Variants in DPT observed in about 807,000 individuals in gnomAD.
The protein encoded by DPT is dermatopontin.
Under a neutral mutation model 31.2 loss-of-function variants are expected in DPT, and 21 were observed. The ratio of observed to expected loss-of-function variants is 0.67; its 90% CI spans 0.48 to 0.97. The LOEUF (loss-of-function observed/expected upper bound fraction) is 0.97. Ranked by LOEUF, DPT falls within the 50% of genes least tolerant of loss-of-function variation. DPT has a pLI of 0.00. For synonymous variants in DPT, 91 were observed against 86.9 expected (o/e 1.05, Z -0.26); for missense variants, 262 against 258.8 (o/e 1.01, Z -0.08).
At chr1:168,703,040 A>C (rs1010377297) in intron 2 of DPT, among the ~76,000 whole-genome samples, 2 of 152,236 alleles carry the variant, frequency 1.3e-5, no homozygotes, top group Non-Finnish European at 2.9e-5. Context: ...GAGAACATCA[A>C]TAATGCAAAT....
At chr1:168,723,897 A>C (rs1435264554) in intron 1 of DPT, among the ~76,000 whole-genome samples, 3 of 152,192 alleles carry the variant, frequency 2.0e-5, no homozygotes, top group Non-Finnish European at 4.4e-5. Flanking sequence ...CACAAAATTC[A>C]TGTATACTCT....
intron 1 of DPT, among the ~76,000 whole-genome samples, chr1:168,728,649 G>A (rs1650303344): frequency 6.6e-6 from 1 of 152,142 alleles, no homozygotes; most frequent in Admixed American, 6.5e-5. Context: ...AGCCACAGAG[G>A]AGTCTGTCTC....
At chr1:168,718,984 C>T (rs888427361) in intron 1 of DPT, among the ~76,000 whole-genome samples, 2 of 152,134 alleles carry the variant, frequency 1.3e-5, no homozygotes, top group Admixed American at 1.3e-4. Context: ...TCTTAGCCAC[C>T]CACTTTGGAG....
chr1:168,714,059 TG>T (rs1444441501), intron 2 of DPT, among the ~76,000 whole-genome samples, 161 bp downstream of exon 2: 3 of 152,202 alleles, frequency 2.0e-5, no homozygotes, highest in Admixed American at 2.0e-4. Flanking sequence ...AGATCCCTCT[TG>T]GCGGGAACAT....
intron 1 of DPT, among the ~76,000 whole-genome samples, chr1:168,715,727 T>C (rs955117520): frequency 6.6e-6 from 1 of 152,238 alleles, no homozygotes; most frequent in East Asian, 1.9e-4. Flanking sequence ...AAAGCCCAGA[T>C]GGGTATGGTG....
At chr1:168,718,603 C>G (rs888880863) in intron 1 of DPT, among the ~76,000 whole-genome samples, 2 of 152,138 alleles carry the variant, frequency 1.3e-5, no homozygotes, top group Non-Finnish European at 2.9e-5. Context: ...CTGTGGGGAG[C>G]AGATAGTAGA....
intron 1 of DPT, among the ~76,000 whole-genome samples, chr1:168,726,217 AGAG>A (rs1473966957): frequency 2.6e-5 from 4 of 152,214 alleles, no homozygotes; most frequent in African/African-American, 9.7e-5. Flanking sequence ...ATGCCGAGTA[AGAG>A]GAGGTGGAAG....
chr1:168,723,834 T>C (rs1323150593), intron 1 of DPT, among the ~76,000 whole-genome samples: 1 of 152,228 alleles, frequency 6.6e-6, no homozygotes, highest in African/African-American at 2.4e-5. Context: ...TTTATTTTTT[T>C]AAATTTTATT....
intron 2 of DPT, among the ~76,000 whole-genome samples, chr1:168,706,562 G>A (rs1056340864): frequency 6.6e-6 from 1 of 152,150 alleles, no homozygotes; most frequent in African/African-American, 2.4e-5. Context: ...CAAGAGCTGG[G>A]GATTGGCCAA....
chr1:168,702,993 C>G (rs1043999177), intron 2 of DPT, among the ~76,000 whole-genome samples: 2 of 152,058 alleles, frequency 1.3e-5, no homozygotes, highest in Admixed American at 6.6e-5. Context: ...CTAACAAGGA[C>G]TGTATTAAAG....
chr1:168,700,220 T>C (rs1401791304), intron 3 of DPT, among the ~76,000 whole-genome samples: 1 of 152,106 alleles, frequency 6.6e-6, no homozygotes, highest in Non-Finnish European at 1.5e-5. Flanking sequence ...AGTGCCCATA[T>C]AAAATAAGTT....
chr1:168,728,250 T>C (rs73032100), intron 1 of DPT, among the ~76,000 whole-genome samples: 4,184 of 152,316 alleles, frequency 0.027, 208 homozygotes, highest in African/African-American at 0.096. Context: ...GAGAAGGACC[T>C]CAGTACTCAT....
At chr1:168,708,468 A>G (rs936138958) in intron 2 of DPT, among the ~76,000 whole-genome samples, 2 of 152,264 alleles carry the variant, frequency 1.3e-5, no homozygotes, top group African/African-American at 4.8e-5. Flanking sequence ...GTTCCTTTAA[A>G]TTGAGACATC....
intron 3 of DPT, among the ~76,000 whole-genome samples, chr1:168,699,290 A>G (rs1649533586): frequency 6.6e-6 from 1 of 152,058 alleles, no homozygotes; most frequent in African/African-American, 2.4e-5. Context: ...ATGACAACCC[A>G]TGTTCTTTGA....
chr1:168,722,888 T>A (rs921560373), intron 1 of DPT, among the ~76,000 whole-genome samples: 3 of 150,816 alleles, frequency 2.0e-5, no homozygotes, highest in Non-Finnish European at 1.5e-5. Flanking sequence ...ACACACGATA[T>A]CTTAACTCTG....
At chr1:168,711,985 T>C (rs959833755) in intron 2 of DPT, among the ~76,000 whole-genome samples, 1 of 152,056 alleles carries the variant, frequency 6.6e-6, no homozygotes, top group African/African-American at 2.4e-5. Flanking sequence ...GAACAAAAAA[T>C]TTTATGTAAG....
chr1:168,697,755 T>C (rs16861337), intron 3 of DPT, among the ~76,000 whole-genome samples: 4,489 of 152,286 alleles, frequency 0.029, 231 homozygotes, highest in African/African-American at 0.1. Context: ...CTCACAACGA[T>C]TCATTGTTTA....
intron 1 of DPT, among the ~76,000 whole-genome samples, chr1:168,723,488 G>T (rs117442643): frequency 1.3e-5 from 2 of 152,194 alleles, no homozygotes; most frequent in Non-Finnish European, 2.9e-5. Context: ...TATAAATGAG[G>T]AATACTCTAT....
At chr1:168,725,911 A>T (rs1029530508) in intron 1 of DPT, among the ~76,000 whole-genome samples, 1 of 152,244 alleles carries the variant, frequency 6.6e-6, no homozygotes, top group Admixed American at 6.5e-5. Flanking sequence ...CTGTTCCCTG[A>T]GAACAGACTA....
Sources: allele counts gnomAD v4.1 joint callset (sites outside exome capture counted in the v4.1 genomes callset), GRCh38; gene constraint gnomAD v4.1.1; transcripts MANE v1.5; gene names NCBI Gene and HGNC (gene_info 2026-07-23, HGNC 2026-07-21).